INPP5D: variants seen among roughly 807,000 people sequenced by gnomAD.
INPP5D encodes the protein inositol polyphosphate-5-phosphatase D.
Under a neutral mutation model 122.9 loss-of-function variants are expected in INPP5D, and 33 were observed. The ratio of observed to expected loss-of-function variants is 0.27; its 90% confidence interval spans 0.20 to 0.36. The LOEUF is 0.36. Ranked by LOEUF, INPP5D falls within the 10% of genes least tolerant of loss-of-function variation. The pLI is 1.00. For synonymous variants in INPP5D, 584 were observed against 576.2 expected (o/e 1.01, Z -0.19); for missense variants, 1,053 against 1,412.7 (o/e 0.75, Z 4.08).
In INPP5D at chr2:233,164,041, G is replaced by A. The variant is rs538925539; in HGVS notation, c.1437+138G>A. 3.7e-5 allele frequency: 52 copies of A among 1,424,522 alleles called. No individual in the cohort carries two copies. The African/African-American group carries it at 4.5e-4, about 12-fold the overall frequency. 88.2% of individuals were successfully genotyped at this position (1,424,522 alleles called of 1,614,324 possible). A position where few individuals can be genotyped will look rare whatever the true frequency, so the allele number is the denominator to read the frequency against. On this transcript the variant is annotated intron_variant, in intron 12 of 26. Coordinates refer to ENST00000445964, the MANE Select transcript of INPP5D (RefSeq NM_001017915.3). This position sits in a 1 kb window ranked among gnomAD's most constrained non-coding sequence, Gnocchi z 4.3. ...TCTGGAGGCCCCCACTGAGAGATGCGTCTGTATTCAGAAATAAATGGGATC... is the reference window on the plus strand; with the variant it reads ...TCTGGAGGCCCCCACTGAGAGATGCATCTGTATTCAGAAATAAATGGGATC...
At chr2:233,079,435 T>C in intron 2 of INPP5D, 37 bp downstream of exon 2, 1 of 1,280,272 alleles carries the variant, frequency 7.8e-7, no homozygotes, top group Non-Finnish European at 1.1e-6. Context: ...TGAACCTGAC[T>C]TCAGCCGATA....
intron 9 of INPP5D, among the ~76,000 whole-genome samples, chr2:233,148,727 C>T (rs1693840963): frequency 6.6e-6 from 1 of 152,086 alleles, no homozygotes; most frequent in Admixed American, 6.6e-5. Context: ...ATGGGTTCCC[C>T]CGAGAAACCT....
intron 4 of INPP5D, among the ~76,000 whole-genome samples, chr2:233,129,412 C>G (rs1191043191): frequency 3.3e-5 from 5 of 152,156 alleles, no homozygotes; most frequent in African/African-American, 1.2e-4. Context: ...TGGGAACAAA[C>G]ACTCAAGCGT....
At position 233,164,153 on chromosome 2, in the gene INPP5D, C is replaced by G. The variant is rs1188711044; in HGVS notation, c.1438-154C>G. The G allele has an allele frequency of 4.3e-6, 6 of 1,409,720 alleles. No homozygotes were observed. The highest frequency in any genetic ancestry group is 5.6e-5 in the Admixed American group (2 of 35,468). 87.3% of individuals were successfully genotyped at this position (1,409,720 alleles called of 1,614,324 possible). Reference sequence around the variant, plus strand: ...CTCATCTTTAGGATGTTTTGTCTCGCCTATCAAGCATCGCTGGGAGTCCCC... The same window carrying G: ...CTCATCTTTAGGATGTTTTGTCTCGGCTATCAAGCATCGCTGGGAGTCCCC... On this transcript the variant is annotated intron_variant, in intron 12 of 26. Transcript: ENST00000445964. The surrounding 1 kb of genome is among the most constrained non-coding windows in gnomAD (Gnocchi z 4.3).
intron 26 of INPP5D, chr2:233,205,396 T>A (rs943370121): frequency 6.6e-6 from 1 of 151,746 alleles, no homozygotes; most frequent in African/African-American, 2.4e-5. Context: ...GTTTCACTCT[T>A]TGTTGCCCAG....
chr2:233,165,297 G>T (rs1177765680), intron 13 of INPP5D, among the ~76,000 whole-genome samples: 1 of 152,168 alleles, frequency 6.6e-6, no homozygotes, highest in Non-Finnish European at 1.5e-5. Flanking sequence ...GTGTGTCTAT[G>T]TGAGTCTATG....
At chr2:233,077,527 CACA>C (rs1691553129) in intron 1 of INPP5D, among the ~76,000 whole-genome samples, 1 of 152,086 alleles carries the variant, frequency 6.6e-6, no homozygotes, top group Non-Finnish European at 1.5e-5. Flanking sequence ...GGTGTGGTGG[CACA>C]TGCCTGTAAT....
At chr2:233,091,073 ATACT>A (rs1691979764) in intron 2 of INPP5D, among the ~76,000 whole-genome samples, 2 of 152,044 alleles carry the variant, frequency 1.3e-5, no homozygotes, top group South Asian at 4.1e-4. Flanking sequence ...TGCTGGGGAG[ATACT>A]TACTCTTATG....
chr2:233,202,135 T>C (rs2106328720), intron 25 of INPP5D, among the ~76,000 whole-genome samples: 1 of 152,252 alleles, frequency 6.6e-6, no homozygotes, highest in East Asian at 1.9e-4. Flanking sequence ...TTCCTGGTCC[T>C]GCCCCCAGTT....
At chr2:233,196,986 A>G (rs1056532240) in intron 24 of INPP5D, among the ~76,000 whole-genome samples, 2 of 152,244 alleles carry the variant, frequency 1.3e-5, no homozygotes, top group Non-Finnish European at 2.9e-5. Flanking sequence ...CAGCAAATGC[A>G]TCCTGGCTCT....
intron 6 of INPP5D, among the ~76,000 whole-genome samples, chr2:233,143,628 A>G (rs962441892): frequency 3.9e-5 from 6 of 152,236 alleles, no homozygotes; most frequent in Admixed American, 6.5e-5. Context: ...CTAAAGAAGA[A>G]TTGTAAGCTT....
At chr2:233,167,560 C>T (rs138213826) in intron 13 of INPP5D, among the ~76,000 whole-genome samples, 3,221 of 152,148 alleles carry the variant, frequency 0.021, 77 homozygotes, top group East Asian at 0.11. Flanking sequence ...TCCCAGGTTG[C>T]GGGCAGAGGG....
intron 1 of INPP5D, among the ~76,000 whole-genome samples, chr2:233,070,687 C>T (rs549347514): frequency 5.9e-5 from 9 of 152,130 alleles, no homozygotes; most frequent in Admixed American, 3.9e-4. Context: ...GTGGTCCGCT[C>T]GCCTCGGCCT....
intron 26 of INPP5D, among the ~76,000 whole-genome samples, chr2:233,205,847 G>A (rs1160300954): frequency 6.6e-6 from 1 of 152,036 alleles, no homozygotes. Context: ...GGGAGGCCGA[G>A]GTGGATGGAT....
chr2:233,166,172 C>A (rs1384198571), intron 13 of INPP5D, among the ~76,000 whole-genome samples: 1 of 152,200 alleles, frequency 6.6e-6, no homozygotes, highest in Non-Finnish European at 1.5e-5. Context: ...CCAGCAACCG[C>A]CCCGGGTGTG....
rs1246634960 is a variant in INPP5D at position 233,178,538 on chromosome 2, A to G, written c.2071+1192A>G. Among the ~76,000 whole-genome samples, 4 of 151,834 alleles carry G rather than the reference A, an allele frequency of 2.6e-5. No homozygotes were observed. In the South Asian group the frequency reaches 8.3e-4, roughly 31 times the overall value. Reference sequence around the variant, plus strand: ...CTCTCAGTCGCCCAGGCTGGAGTACAGTGGCAAAATCTCGGCTCCCTGCAA... The same window carrying G: ...CTCTCAGTCGCCCAGGCTGGAGTACGGTGGCAAAATCTCGGCTCCCTGCAA... On this transcript the variant is annotated intron_variant, in intron 18 of 26. Transcript: ENST00000445964.
Position 233,128,130 on chromosome 2 carries a change from T to G in INPP5D, c.524+2211T>G, listed in dbSNP as rs1463461465. On this transcript the variant is annotated intron_variant, in intron 4 of 26. Transcript: ENST00000445964. The surrounding 1 kb of genome is among the most constrained non-coding windows in gnomAD (Gnocchi z 4.5). ...TCAGATCAGCGGTGGCATTAGATTC[T>G]CATGAGTGTGAACCCGGTTGTGAAC... is the stretch of plus-strand genomic sequence containing the variant. Among the ~76,000 whole-genome samples the G allele has an allele frequency of 6.6e-6, 1 of 152,044 alleles. No homozygotes were observed. The highest frequency in any genetic ancestry group is 1.5e-5 in the Non-Finnish European group (1 of 68,000).
chr2:233,130,764 A>G (rs1443725938), intron 5 of INPP5D, 116 bp downstream of exon 5: 1 of 1,064,860 alleles, frequency 9.4e-7, no homozygotes, highest in East Asian at 2.5e-5. Context: ...CCGCACTCAC[A>G]ATAATTGAGT....
intron 4 of INPP5D, among the ~76,000 whole-genome samples, chr2:233,129,917 T>TGA (rs751824465): frequency 4.3e-5 from 6 of 139,038 alleles, no homozygotes; most frequent in East Asian, 2.1e-4. Context: ...TGTGTGTGTG[T>TGA]GAGAGACAGT....
Sources: gnomAD v4.1 joint callset for allele counts (sites outside exome capture counted in the v4.1 genomes callset) on GRCh38, gnomAD v4.1.1 for gene constraint, Gnocchi (gnomAD v3.1) non-coding constraint, MANE v1.5 for transcripts, NCBI Gene and HGNC (gene_info 2026-07-23, HGNC 2026-07-21) for gene names.